Variants in IHO1 observed in about 807,000 individuals in gnomAD.
IHO1 encodes the protein interactor of HORMAD1 1.
In IHO1, 13 loss-of-function variants were observed where a neutral mutation model predicts 31.0. The ratio of observed to expected loss-of-function variants is 0.42; its 90% CI spans 0.27 to 0.67. The LOEUF is 0.67. IHO1 is among the 30% of genes least tolerant of loss of function. The pLI is 0.24. For missense variants in IHO1, 599 were observed against 687.5 expected (o/e 0.87, Z 1.44); for synonymous variants, 221 against 248.4 (o/e 0.89, Z 1.04).
chr3:49,192,654 TG>T, the IHO1 span, among the ~76,000 whole-genome samples: 1 of 152,138 alleles, frequency 6.6e-6, no homozygotes, highest in Non-Finnish European at 1.5e-5. Flanking sequence ...CCTAGCAGTT[TG>T]GGAGGCCGAG....
intron 6 of IHO1, 124 bp downstream of exon 6, chr3:49,244,857 A>G: frequency 2.4e-6 from 2 of 828,934 alleles, no homozygotes; most frequent in East Asian, 2.5e-5. Flanking sequence ...GAGGATGGGT[A>G]TATAGGGTTA....
At chr3:49,210,691 G>C (rs952213089) in intron 1 of IHO1, among the ~76,000 whole-genome samples, 20 of 138,420 alleles carry the variant, frequency 1.4e-4, no homozygotes, top group Admixed American at 1.3e-3. Context: ...GAGCCACTGC[G>C]CCCGGCTTTT....
chr3:49,211,802 A>G lies in IHO1; in HGVS notation c.22A>G (p.Ile8Val). The change falls in exon 2 of 8, where the codon ATC becomes GTC. Residue 8 changes from isoleucine to valine, a missense_variant. Transcript: ENST00000452691. Reference sequence around the variant, plus strand: ...AGAAATGAATTTTAATGTCTGGAATATCAAAGAGATGCTCAGTATTCCTTC... The same window carrying G: ...AGAAATGAATTTTAATGTCTGGAATGTCAAAGAGATGCTCAGTATTCCTTC... MNFNVWN[I>V]KEMLSIPSGS... The G allele has an allele frequency of 6.4e-7, 1 of 1,555,126 alleles. No homozygotes were observed. Among genetic ancestry groups the G allele is most frequent in the Non-Finnish European group, 8.9e-7 (1 of 1,126,560 alleles).
intron 2 of IHO1, among the ~76,000 whole-genome samples, chr3:49,219,989 A>T (rs2046334230): frequency 1.3e-5 from 2 of 152,156 alleles, no homozygotes; most frequent in Non-Finnish European, 2.9e-5. Context: ...TTTGAAGAAA[A>T]AGAGTGGCCT....
At chr3:49,235,902 C>G (rs2046553686) in intron 2 of IHO1, among the ~76,000 whole-genome samples, 2 of 148,522 alleles carry the variant, frequency 1.3e-5, no homozygotes, top group South Asian at 4.3e-4. Context: ...TGCATGCCAG[C>G]CTGGGCAACA....
intron 6 of IHO1, among the ~76,000 whole-genome samples, chr3:49,250,981 G>T (rs867220195): frequency 6.6e-6 from 1 of 151,884 alleles, no homozygotes; most frequent in Non-Finnish European, 1.5e-5. Flanking sequence ...CCAAGATCGC[G>T]CCACTGCACT....
At chr3:49,200,688 C>G in intron 1 of IHO1, 1 of 405,082 alleles carries the variant, frequency 2.5e-6, no homozygotes, top group Non-Finnish European at 3.3e-6. Flanking sequence ...TTTTTCTCCC[C>G]TTTTATGCTT....
upstream of IHO1, among the ~76,000 whole-genome samples, chr3:49,196,772 GCC>G (rs2045999636): frequency 2.0e-5 from 3 of 148,338 alleles, no homozygotes; most frequent in Non-Finnish European, 3.0e-5. Flanking sequence ...CTGGGTTCAC[GCC>G]ATTCTCCTGC....
At position 49,256,054 on chromosome 3, in the gene IHO1, C is replaced by A; in HGVS notation, c.637-80C>A. 8.3e-7 allele frequency: 1 copy of A among 1,207,782 alleles called. No homozygotes were observed. Among genetic ancestry groups the A allele is most frequent in the Non-Finnish European group, 1.2e-6 (1 of 853,012 alleles). The allele number at this position is 1,207,782 out of a possible 1,614,324, so 74.8% of individuals were successfully genotyped here. On this transcript the variant is annotated intron_variant, in intron 7 of 7. Coordinates refer to ENST00000452691, the MANE Select transcript of IHO1 (RefSeq NM_001135197.2). The surrounding 1 kb of genome is among the most constrained non-coding windows in gnomAD (Gnocchi z 4.6). ...CAAGCCTTGGTTCTGCTGTCACATC[C>A]ATTGGTCTGTTCTCATGTTTTATTG...
chr3:49,257,297 A>G lies in IHO1; in HGVS notation c.*15A>G. The G allele has an allele frequency of 1.2e-6, 2 of 1,605,902 alleles. No homozygotes were observed. The highest frequency in any genetic ancestry group is 1.7e-6 in the Non-Finnish European group (2 of 1,175,012). The stretch of plus-strand genomic sequence containing the variant: ...ATGGCTTCTGACCAGTCCACAGTTG[A>G]TTTATTGGTCTCAGCTAGAAAGAGA... On this transcript the variant is annotated 3_prime_UTR_variant, in exon 8 of 8. Coordinates refer to ENST00000452691, the MANE Select transcript of IHO1 (RefSeq NM_001135197.2).
At position 49,200,580 on chromosome 3, in the gene IHO1, C is replaced by T. The variant is rs539413346; in HGVS notation, c.-16+1007C>T. ...GTCAGATGAGGTAGTCCATGCCAAT[C>T]GGGGCGGTCCTCTCCCCCTCACGTG... is the stretch of plus-strand genomic sequence containing the variant. On this transcript the variant is annotated intron_variant, in intron 1 of 7. Transcript: ENST00000452691. The T allele has an allele frequency of 4.3e-5, 42 of 984,788 alleles. 1 individual carries two copies. In the African/African-American group the frequency reaches 4.7e-4, roughly 11 times the overall value. 61.0% of individuals were successfully genotyped at this position (984,788 alleles called of 1,614,324 possible).
chr3:49,223,744 T>C (rs2046383844), intron 2 of IHO1, among the ~76,000 whole-genome samples: 1 of 151,788 alleles, frequency 6.6e-6, no homozygotes, highest in African/African-American at 2.4e-5. Context: ...GAAGCCCAAA[T>C]CTAGAAATTA....
intron 6 of IHO1, among the ~76,000 whole-genome samples, chr3:49,252,558 A>G (rs1178363195): frequency 3.3e-5 from 5 of 152,030 alleles, no homozygotes; most frequent in Non-Finnish European, 7.4e-5. Flanking sequence ...AGCTAGGACC[A>G]CAGGCACATA....
chr3:49,238,724 T>G lies in IHO1; in HGVS notation c.231+2002T>G, dbSNP rs567700127. Among the ~76,000 whole-genome samples, 15 of 152,292 alleles carry G rather than the reference T, an allele frequency of 9.8e-5. 1 individual carries two copies. In the South Asian group the frequency reaches 2.9e-3, roughly 29 times the overall value. On this transcript the variant is annotated intron_variant, in intron 3 of 7. Coordinates refer to ENST00000452691, the MANE Select transcript of IHO1 (RefSeq NM_001135197.2). ...CTGGTACATATCTTACTCAAGCTCG[T>G]CTTGTGACCTTGTCATGTTGCACAG... is the stretch of plus-strand genomic sequence containing the variant.
chr3:49,240,034 TTTTTCTTTTC>T (rs562505524), intron 3 of IHO1, among the ~76,000 whole-genome samples: 17 of 152,116 alleles, frequency 1.1e-4, no homozygotes, highest in East Asian at 3.9e-4. Flanking sequence ...TTGGTGCTTT[TTTTTCTTTTC>T]TTTTCTTTTC....
chr3:49,216,504 G>C (rs183450857), intron 2 of IHO1, among the ~76,000 whole-genome samples: 67 of 152,210 alleles, frequency 4.4e-4, no homozygotes, highest in African/African-American at 1.5e-3. Context: ...TGAGGGACGA[G>C]AATTGCTTAA....
Position 49,255,502 on chromosome 3 carries a change from AAAC to A in IHO1, c.636+10_636+12del. 1 of 1,565,600 alleles carries A rather than the reference AAAC, an allele frequency of 6.4e-7. No homozygotes were observed. The highest frequency in any genetic ancestry group is 8.7e-7 in the Non-Finnish European group (1 of 1,152,914). On this transcript the variant is annotated intron_variant, in intron 7 of 7. Transcript: ENST00000452691. ...AGAAAAGATTTGAAGCTGTAAGTGT[AAAC>A]CCCAACCTCTTTCTAAGTGTGTTTT...
At chr3:49,201,236 G>A (rs2046065968) in intron 1 of IHO1, among the ~76,000 whole-genome samples, 1 of 151,692 alleles carries the variant, frequency 6.6e-6, no homozygotes, top group South Asian at 2.1e-4. Context: ...CTCGTGATCC[G>A]CCTTTCTCAG....
At chr3:49,241,927 AT>A (rs2046637175) in intron 4 of IHO1, among the ~76,000 whole-genome samples, 1 of 150,704 alleles carries the variant, frequency 6.6e-6, no homozygotes, top group African/African-American at 2.4e-5. Context: ...GGCCATTATT[AT>A]TATTATTATT....
Sources: allele counts gnomAD v4.1 joint callset (sites outside exome capture counted in the v4.1 genomes callset), GRCh38; gene constraint gnomAD v4.1.1; non-coding constraint Gnocchi (gnomAD v3.1); transcripts MANE v1.5; gene names NCBI Gene and HGNC (gene_info 2026-07-23, HGNC 2026-07-21).